Variants in COL6A5 observed in about 807,000 individuals in gnomAD.
The protein encoded by COL6A5 is collagen alpha-5(VI) chain.
Under a neutral mutation model 65.6 loss-of-function variants are expected in COL6A5, and 48 were observed. That is an observed-to-expected ratio of 0.73 (90% CI 0.58 to 0.93). The LOEUF is 0.93. Among genes scored for constraint, COL6A5 ranks in the 40% least tolerant of loss-of-function variants. COL6A5 has a pLI of 0.00. For synonymous variants in COL6A5, 291 were observed against 322.8 expected, an observed-to-expected ratio of 0.90 and a Z score of 1.05; for missense variants, 914 against 928.3, an observed-to-expected ratio of 0.98 and a Z score of 0.20.
In COL6A5 at chr3:130,443,075, A is replaced by G. The variant is rs115725388; in HGVS notation, c.1242-401A>G. Reference sequence around the variant, plus strand: ...TAGTGGGTGCAGAAGCACAGAAATGATATCAGTATCAAGTAATGAAACATT... The same window carrying G: ...TAGTGGGTGCAGAAGCACAGAAATGGTATCAGTATCAAGTAATGAAACATT... On this transcript the variant is annotated intron_variant, in intron 3 of 7. Transcript: ENST00000512836. Among the ~76,000 whole-genome samples, 1,300 of 152,328 alleles carry G rather than the reference A, an allele frequency of 8.5e-3. 10 individuals are homozygous for G. Among genetic ancestry groups the G allele is most frequent in the Non-Finnish European group, 0.016 (1,056 of 68,026 alleles).
Position 130,421,119 on chromosome 3 carries a change from T to A in COL6A5, c.4951-34T>A, listed in dbSNP as rs560952447. 6.0e-5 allele frequency: 93 copies of A among 1,539,736 alleles called. No homozygotes were observed. In the African/African-American group the frequency reaches 1.2e-3, roughly 20 times the overall value. On this transcript the variant is annotated intron_variant and NMD_transcript_variant, in intron 25 of 41. Coordinates refer to the COL6A5 transcript ENST00000312481. ...ATAGATTAAAATTAATTTCCACCTT[T>A]GAGAAATTGAAAAAAACTGGTGTGT...
intron 2 of COL6A5, among the ~76,000 whole-genome samples, chr3:130,375,948 G>A (rs1331072463): frequency 6.6e-6 from 1 of 152,142 alleles, no homozygotes; most frequent in African/African-American, 2.4e-5. Flanking sequence ...AACCAGTCCA[G>A]TCAGGGACTT....
chr3:130,375,971 C>T lies in COL6A5; in HGVS notation c.68-266C>T, dbSNP rs532999911. Among the ~76,000 whole-genome samples, 393 of 152,192 alleles carry T rather than the reference C, an allele frequency of 2.6e-3. 1 individual carries two copies. Among genetic ancestry groups the T allele is most frequent in the Admixed American group, 4.4e-3 (67 of 15,282 alleles). ...CAGTCAGGGACTTTCTGAGTTGGTA[C>T]AATATCAGAGTTTAGGGTTCCAGAA... is the stretch of plus-strand genomic sequence containing the variant. On this transcript the variant is annotated intron_variant and NMD_transcript_variant, in intron 2 of 41. Coordinates refer to the COL6A5 transcript ENST00000312481.
intron 1 of COL6A5, among the ~76,000 whole-genome samples, chr3:130,362,252 T>C (rs12632891): frequency 1.7e-5 from 2 of 114,364 alleles, no homozygotes; most frequent in East Asian, 3.0e-4. Context: ...TAAGGTTTCT[T>C]TCTCTCTCTC....
chr3:130,409,271 A>C (rs917739664), intron 17 of COL6A5, 55 bp from the exon 18 acceptor site: 2 of 1,381,090 alleles, frequency 1.4e-6, no homozygotes, highest in African/African-American at 2.9e-5. Flanking sequence ...CACACTTAAC[A>C]CCATTATACA....
In COL6A5 at chr3:130,346,319, C is replaced by G. The variant is rs74844996; in HGVS notation, c.-29+338C>G. 3.8e-3 allele frequency among the ~76,000 whole-genome samples: 582 copies of G among 152,254 alleles called. 2 individuals are homozygous for G. Among genetic ancestry groups the G allele is most frequent in the African/African-American group, 0.013 (533 of 41,544 alleles). On this transcript the variant is annotated intron_variant and NMD_transcript_variant, in intron 1 of 41. Coordinates refer to the COL6A5 transcript ENST00000312481. ...TGGGGATAAGGAATGTGTATTTTAA[C>G]AATCCTCCACGGGATTCTGATGCAG...
intron 10 of COL6A5, among the ~76,000 whole-genome samples, chr3:130,399,433 C>T (rs1014173588): frequency 4.6e-5 from 7 of 151,378 alleles, no homozygotes; most frequent in African/African-American, 1.2e-4. Flanking sequence ...CGCAGTGGCC[C>T]GATCTTGGCT....
chr3:130,399,402 G>A (rs1001646298), intron 10 of COL6A5, among the ~76,000 whole-genome samples: 7 of 136,754 alleles, frequency 5.1e-5, no homozygotes, highest in Admixed American at 3.2e-4. Flanking sequence ...ACAAAGTCTC[G>A]CTCTGTCACC....
chr3:130,413,978 G>A (rs1263804585), intron 21 of COL6A5, 91 bp from the exon 22 acceptor site: 5 of 944,484 alleles, frequency 5.3e-6, no homozygotes, highest in East Asian at 2.6e-5. Flanking sequence ...AGACAAAATA[G>A]TACCTATTTC....
intron 14 of COL6A5, 61 bp downstream of exon 14, chr3:130,405,720 C>A: frequency 7.7e-7 from 1 of 1,290,434 alleles, no homozygotes; most frequent in Non-Finnish European, 1.1e-6. Context: ...CTCTCTTTCC[C>A]CATTCCTTTC....
At chr3:130,476,863 T>C (rs1710112813) in intron 7 of COL6A5, 1 of 681,160 alleles carries the variant, frequency 1.5e-6, no homozygotes, top group Non-Finnish European at 2.7e-6. Flanking sequence ...AAATGATGTC[T>C]TTAATTCTTT....
chr3:130,361,879 A>G (rs1345712198), intron 1 of COL6A5, among the ~76,000 whole-genome samples: 1 of 151,990 alleles, frequency 6.6e-6, no homozygotes, highest in Non-Finnish European at 1.5e-5. Context: ...GTCTTCTTCG[A>G]TGAGAAGTCT....
In COL6A5 at chr3:130,360,820, T is replaced by G. The variant is rs556532320; in HGVS notation, c.-28-12791T>G. ...ACCCTTTTGAGATATAATTTATATATAATATAATGCATCAATTTTAAGTGT... is the reference window on the plus strand; with the variant it reads ...ACCCTTTTGAGATATAATTTATATAGAATATAATGCATCAATTTTAAGTGT... On this transcript the variant is annotated intron_variant and NMD_transcript_variant, in intron 1 of 41. Transcript: ENST00000312481. Among the ~76,000 whole-genome samples, 4 of 152,192 alleles carry G rather than the reference T, an allele frequency of 2.6e-5. No homozygotes were observed. The East Asian group carries it at 7.7e-4, about 29-fold the overall frequency.
At chr3:130,385,727 G>T (rs1248870779) in intron 5 of COL6A5, among the ~76,000 whole-genome samples, 1 of 152,112 alleles carries the variant, frequency 6.6e-6, no homozygotes, top group Non-Finnish European at 1.5e-5. Flanking sequence ...TACAGTGTTT[G>T]TGTGTGCACA....
intron 1 of COL6A5, among the ~76,000 whole-genome samples, chr3:130,367,913 G>A (rs752328289): frequency 2.6e-5 from 4 of 152,108 alleles, no homozygotes; most frequent in Admixed American, 6.5e-5. Context: ...AGCTTCATGC[G>A]TCATGATTGT....
Position 130,444,601 on chromosome 3 carries a change from G to C in COL6A5, c.1332+1035G>C, listed in dbSNP as rs565547570. Among the ~76,000 whole-genome samples, 3 of 152,196 alleles carry C rather than the reference G, an allele frequency of 2.0e-5. 1 individual carries two copies. Among genetic ancestry groups the C allele is most frequent in the African/African-American group, 7.2e-5 (3 of 41,544 alleles). ...ATATAAATGTGCCATGGTGATGAAG[G>C]CTTAGTCGTTCTCTCGATTTTGAGG... On this transcript the variant is annotated intron_variant, in intron 4 of 7. Transcript: ENST00000512836.
At chr3:130,403,447 T>A (rs996770028) in intron 12 of COL6A5, among the ~76,000 whole-genome samples, 162 bp from the exon 13 acceptor site, 7 of 152,148 alleles carry the variant, frequency 4.6e-5, no homozygotes, top group African/African-American at 1.7e-4. Flanking sequence ...GGACAAAAGC[T>A]AGCTCCAGAT....
At chr3:130,363,412 G>T (rs1478793379) in intron 1 of COL6A5, among the ~76,000 whole-genome samples, 1 of 152,196 alleles carries the variant, frequency 6.6e-6, no homozygotes, top group Non-Finnish European at 1.5e-5. Flanking sequence ...GTCCTTTAGT[G>T]AGCCTGTGTT....
In COL6A5 at chr3:130,416,260, G is replaced by A. The variant is rs569581089; in HGVS notation, c.4825-497G>A. 5.9e-5 allele frequency among the ~76,000 whole-genome samples: 9 copies of A among 152,202 alleles called. No homozygotes were observed. In the South Asian group the frequency reaches 1.9e-3, roughly 32 times the overall value. On this transcript the variant is annotated intron_variant and NMD_transcript_variant, in intron 23 of 41. Coordinates refer to the COL6A5 transcript ENST00000312481. ...CAGACGGTGAGAGTTCACAAGGCAA[G>A]GGATACCCATATTTCTATATTCCTA... is the stretch of plus-strand genomic sequence containing the variant.
Sources: gnomAD v4.1 joint callset for allele counts (sites outside exome capture counted in the v4.1 genomes callset) on GRCh38, gnomAD v4.1.1 for gene constraint, MANE v1.5 for transcripts, NCBI Gene and HGNC (gene_info 2026-07-23, HGNC 2026-07-21) for gene names.